The following PRPF19 variants were observed in gnomAD, a reference collection of about 807,000 sequenced individuals.
PRPF19 encodes the protein pre-mRNA processing factor 19, also known as pre-mRNA-processing factor 19.
Under a neutral mutation model 64.2 loss-of-function variants are expected in PRPF19, and 2 were observed. The observed-to-expected ratio is 0.03, with a 90% CI of 0.01 to 0.10. The LOEUF (loss-of-function observed/expected upper bound fraction) is 0.10, where lower values mean the gene tolerates loss of function less well. Ranked by LOEUF, PRPF19 falls within the 10% of genes least tolerant of loss-of-function variation. PRPF19 has a pLI of 1.00. For synonymous variants in PRPF19, 226 were observed against 251.6 expected, an observed-to-expected ratio of 0.90 and a Z score of 0.96; for missense variants, 314 against 650.0, an observed-to-expected ratio of 0.48 and a Z score of 5.62.
intron 15 of PRPF19, among the ~76,000 whole-genome samples, chr11:60,896,015 T>C (rs1855916030): frequency 6.6e-6 from 1 of 152,122 alleles, no homozygotes; most frequent in Non-Finnish European, 1.5e-5. Flanking sequence ...TGAAATACTG[T>C]AAGAATTACC....
chr11:60,903,667 G>A, intron 2 of PRPF19, 45 bp downstream of exon 2: 1 of 1,576,414 alleles, frequency 6.3e-7, no homozygotes, highest in Non-Finnish European at 8.6e-7. Context: ...CATCCTCTCA[G>A]GCTCTGAGCT....
intron 15 of PRPF19, among the ~76,000 whole-genome samples, chr11:60,893,509 A>C (rs1304524428): frequency 2.0e-5 from 3 of 151,722 alleles, no homozygotes; most frequent in African/African-American, 7.3e-5. Flanking sequence ...ATCTCAAAAA[A>C]AAAAAAAGTA....
At chr11:60,899,540 G>A (rs1428392408) in intron 10 of PRPF19, among the ~76,000 whole-genome samples, 1 of 152,100 alleles carries the variant, frequency 6.6e-6, no homozygotes, top group East Asian at 1.9e-4. Flanking sequence ...GCCATCTAGT[G>A]GTAAAAAGGC....
chr11:60,901,392 A>G (rs200768476), intron 7 of PRPF19, 23 bp from the exon 8 acceptor site: 510 of 1,614,080 alleles, frequency 3.2e-4, no homozygotes, highest in Middle Eastern at 2.1e-3. Context: ...AAAGCCCCCA[A>G]AGAAGAGCAG....
chr11:60,891,080 C>CCACA lies in PRPF19; in HGVS notation c.*85_*86insTGTG. 1.1e-5 allele frequency: 2 copies of CCACA among 185,966 alleles called. No individual in the cohort carries two copies. Among genetic ancestry groups the CCACA allele is most frequent in the South Asian group, 3.6e-5 (1 of 27,510 alleles). 11.5% of individuals were successfully genotyped at this position (185,966 alleles called of 1,614,324 possible). Reference sequence around the variant, plus strand: ...CCCACCCCACAGAGCCCCCTCCCCCCATAGATTCCCCCCACCCCCCCCCCC... The same window carrying CCACA: ...CCCACCCCACAGAGCCCCCTCCCCCCCACAATAGATTCCCCCCACCCCCCCCCCC... On this transcript the variant is annotated 3_prime_UTR_variant, in exon 16 of 16. Transcript: ENST00000227524.
rs1018104474 is a variant in PRPF19 at position 60,891,047 on chromosome 11, G to A, written c.*119C>T. 2 of 713,514 alleles carry A rather than the reference G, an allele frequency of 2.8e-6. No individual in the cohort carries two copies. The highest frequency in any genetic ancestry group is 4.7e-6 in the Non-Finnish European group (2 of 425,008). 44.2% of individuals were successfully genotyped at this position (713,514 alleles called of 1,614,324 possible). ...ACCACTCAGACCAGAGTGAAATGAT[G>A]TGAATGTCCCACCCCACAGAGCCCC... On this transcript the variant is annotated 3_prime_UTR_variant, in exon 16 of 16. Coordinates refer to ENST00000227524, the MANE Select transcript of PRPF19 (RefSeq NM_014502.5).
rs771605198 is a variant in PRPF19 at position 60,898,937 on chromosome 11, GA to G, written c.985-7del. ...ATGTCAGAGAAAGCCCAGTACTGGG[GA>G]AAAAAAAAGAGACAATGGAGTCAGT... On this transcript the variant is annotated splice_polypyrimidine_tract_variant and splice_region_variant and intron_variant, in intron 11 of 15. Transcript: ENST00000227524. The surrounding 1 kb of genome is among the most constrained non-coding windows in gnomAD (Gnocchi z 4.6). The G allele has an allele frequency of 5.5e-5, 86 of 1,565,870 alleles. No individual in the cohort carries two copies. The highest frequency in any genetic ancestry group is 2.7e-4 in the East Asian group (12 of 43,680).
rs764847514 is a variant in PRPF19 at position 60,902,681 on chromosome 11, AT to A, written c.389-26del. The A allele has an allele frequency of 1.6e-4, 256 of 1,614,044 alleles. No individual in the cohort carries two copies. The highest frequency in any genetic ancestry group is 1.9e-4 in the Non-Finnish European group (228 of 1,180,018). ...GCTGAGAGAAAAGACGATGTTAGAA[AT>A]GGGATATTACAATGCAGAACCAGCC... On this transcript the variant is annotated intron_variant, in intron 4 of 15. Coordinates refer to ENST00000227524, the MANE Select transcript of PRPF19 (RefSeq NM_014502.5). This position sits in a 1 kb window ranked among gnomAD's most constrained non-coding sequence, Gnocchi z 5.0.
At chr11:60,899,346 G>A in intron 10 of PRPF19, 42 bp from the exon 11 acceptor site, 9 of 1,566,294 alleles carry the variant, frequency 5.7e-6, no homozygotes, top group East Asian at 2.2e-5. Flanking sequence ...TCAGAAAAGA[G>A]ATACAGACCA....
At chr11:60,905,309 G>A (rs1856033277) in intron 1 of PRPF19, 2 of 152,196 alleles carry the variant, frequency 1.3e-5, no homozygotes, top group African/African-American at 4.8e-5. Context: ...ATGGTGCTGG[G>A]GAACGTAAAA....
intron 11 of PRPF19, 100 bp from the exon 12 acceptor site, chr11:60,899,031 C>A (rs1207306908): frequency 6.6e-7 from 1 of 1,510,080 alleles, no homozygotes; most frequent in South Asian, 1.2e-5. Flanking sequence ...CAAACCCTGG[C>A]AAACATTCTC....
At chr11:60,891,610 T>C (rs1855859589) in intron 15 of PRPF19, among the ~76,000 whole-genome samples, 3 of 152,202 alleles carry the variant, frequency 2.0e-5, no homozygotes, top group Admixed American at 2.0e-4. Flanking sequence ...GAACAGTCCA[T>C]CAGCATTTTC....
rs577854821 is a variant in PRPF19, at chr11:60,896,955, GTT to G, written c.1417+889_1417+890del. On this transcript the variant is annotated intron_variant, in intron 15 of 15. Transcript: ENST00000227524. Reference sequence around the variant, plus strand: ...ATTACAAAAGAATCCATTTTTTTAAGTTTATAAAGTAAAAGTCAGCTAAGGCT... The same window carrying G: ...ATTACAAAAGAATCCATTTTTTTAAGTATAAAGTAAAAGTCAGCTAAGGCT... 2.5e-4 allele frequency among the ~76,000 whole-genome samples: 38 copies of G among 152,228 alleles called. 1 individual carries two copies. The highest frequency in any genetic ancestry group is 9.1e-4 in the African/African-American group (38 of 41,552).
chr11:60,905,902 T>C (rs867392070), intron 1 of PRPF19, among the ~76,000 whole-genome samples: 11 of 152,266 alleles, frequency 7.2e-5, no homozygotes, highest in African/African-American at 2.4e-4. Flanking sequence ...CCTTTGCAAA[T>C]TGCAAAAGCT....
At chr11:60,891,410 G>A in intron 15 of PRPF19, 147 bp from the exon 16 acceptor site, 1 of 634,570 alleles carries the variant, frequency 1.6e-6, no homozygotes, top group Non-Finnish European at 2.8e-6. Flanking sequence ...TCCCTAGGCT[G>A]ACCTGCACAC....
Position 60,898,630 on chromosome 11 carries a change from T to G in PRPF19, c.1055-4A>C. 1.2e-6 allele frequency: 2 copies of G among 1,614,062 alleles called. No individual in the cohort carries two copies. Among genetic ancestry groups the G allele is most frequent in the Non-Finnish European group, 1.7e-6 (2 of 1,179,992 alleles). ...TGGAACTGTGCACAGGTGAGAGCTG[T>G]GGAGGAGGGAAGAGAGACCTGTGGT... On this transcript the variant is annotated splice_polypyrimidine_tract_variant and splice_region_variant and intron_variant, in intron 12 of 15. Transcript: ENST00000227524. This position sits in a 1 kb window ranked among gnomAD's most constrained non-coding sequence, Gnocchi z 4.6.
In PRPF19 at chr11:60,898,784, A is replaced by G; in HGVS notation, c.1054+78T>C. 6.7e-7 allele frequency: 1 copy of G among 1,502,016 alleles called. No individual in the cohort carries two copies. The highest frequency in any genetic ancestry group is 1.3e-5 in the South Asian group (1 of 79,612). 93.0% of individuals were successfully genotyped at this position (1,502,016 alleles called of 1,614,324 possible). Reference sequence around the variant, plus strand: ...TGGTAAATATATCTTTAGAACAAATAAACAAATGACTAAATAAAATGTAAA... The same window carrying G: ...TGGTAAATATATCTTTAGAACAAATGAACAAATGACTAAATAAAATGTAAA... On this transcript the variant is annotated intron_variant, in intron 12 of 15. Transcript: ENST00000227524. The surrounding 1 kb of genome is among the most constrained non-coding windows in gnomAD (Gnocchi z 4.6).
chr11:60,903,032 CG>C, intron 3 of PRPF19, 151 bp from the exon 4 acceptor site: 1 of 1,354,514 alleles, frequency 7.4e-7, no homozygotes, highest in East Asian at 2.5e-5. Flanking sequence ...ACGAATGTGC[CG>C]GCAGACACTC....
chr11:60,898,364 C>T lies in PRPF19; in HGVS notation c.1141-93G>A, dbSNP rs1022202037. ...AAACTCCTACCTGAGATGTCCCTCA[C>T]GTCCTTCCAGGAAGGACAGCCAGCG... is the stretch of plus-strand genomic sequence containing the variant. On this transcript the variant is annotated intron_variant, in intron 13 of 15. Transcript: ENST00000227524. This position sits in a 1 kb window ranked among gnomAD's most constrained non-coding sequence, Gnocchi z 4.6. The T allele has an allele frequency of 1.4e-5, 22 of 1,525,938 alleles. No individual in the cohort carries two copies. The highest frequency in any genetic ancestry group is 1.2e-4 in the African/African-American group (9 of 72,694). 94.5% of individuals were successfully genotyped at this position (1,525,938 alleles called of 1,614,324 possible).
Sources: allele counts gnomAD v4.1 joint callset (sites outside exome capture counted in the v4.1 genomes callset), GRCh38; gene constraint gnomAD v4.1.1; non-coding constraint Gnocchi (gnomAD v3.1); transcripts MANE v1.5; gene names NCBI Gene and HGNC (gene_info 2026-07-23, HGNC 2026-07-21).